Variants in ARB2A observed in about 807,000 individuals in gnomAD.
The protein encoded by ARB2A is ARB2 cotranscriptional regulator A.
chr5:93,634,038 C>T, the ARB2A span, among the ~76,000 whole-genome samples: 2 of 152,144 alleles, frequency 1.3e-5, no homozygotes, highest in African/African-American at 4.8e-5. Context: ...GCTGGGATTA[C>T]AGTCGTGAAC....
At chr5:93,824,366 T>C in the ARB2A span, 100 of 731,996 alleles carry the variant, frequency 1.4e-4, no homozygotes, top group Non-Finnish European at 2.7e-5. Context: ...GCATATGAAA[T>C]ACAATGGTTA....
chr5:93,883,918 TACACATAC>T, the ARB2A span, among the ~76,000 whole-genome samples: 123 of 68,388 alleles, frequency 1.8e-3, no homozygotes, highest in African/African-American at 5.3e-3. Flanking sequence ...CACATACACA[TACACATAC>T]ACACACACAC....
chr5:93,855,101 T>G, the ARB2A span, among the ~76,000 whole-genome samples: 1 of 152,140 alleles, frequency 6.6e-6, no homozygotes, highest in African/African-American at 2.4e-5. Context: ...CTAAGTCTCT[T>G]TGTAGGTCTC....
chr5:93,622,857 T>TTA, the ARB2A span, among the ~76,000 whole-genome samples: 3,414 of 152,204 alleles, frequency 0.022, 138 homozygotes, highest in African/African-American at 0.078. Context: ...TGGGGGAAAA[T>TTA]TATATATATA....
the ARB2A span, among the ~76,000 whole-genome samples, chr5:94,048,215 T>C: frequency 6.6e-6 from 1 of 151,964 alleles, no homozygotes; most frequent in Admixed American, 6.6e-5. Context: ...ACACCACACC[T>C]GGCTAATTTT....
the ARB2A span, among the ~76,000 whole-genome samples, chr5:93,932,675 A>G: frequency 2.6e-5 from 4 of 152,180 alleles, no homozygotes; most frequent in Non-Finnish European, 5.9e-5. Context: ...ACTGTTTTTC[A>G]TGGAAGATAA....
the ARB2A span, among the ~76,000 whole-genome samples, chr5:93,697,390 TTTC>T: frequency 1.3e-5 from 2 of 152,218 alleles, no homozygotes; most frequent in African/African-American, 2.4e-5. Flanking sequence ...TTAAACATTC[TTTC>T]TTATTAACTC....
the ARB2A span, among the ~76,000 whole-genome samples, chr5:94,087,586 T>C: frequency 1.3e-5 from 2 of 152,326 alleles, no homozygotes; most frequent in East Asian, 3.9e-4. Flanking sequence ...GTAGCCTAAG[T>C]GTACAGTGTT....
the ARB2A span, among the ~76,000 whole-genome samples, chr5:93,636,670 G>A: frequency 6.6e-6 from 1 of 152,282 alleles, no homozygotes. Context: ...ACAGCAGCCT[G>A]AATATACAGC....
the ARB2A span, among the ~76,000 whole-genome samples, chr5:94,001,049 T>C: frequency 1.3e-5 from 2 of 152,156 alleles, no homozygotes; most frequent in African/African-American, 4.8e-5. Flanking sequence ...TTCATTACTG[T>C]ATATTTATAG....
At chr5:93,928,686 T>C in the ARB2A span, among the ~76,000 whole-genome samples, 2 of 152,152 alleles carry the variant, frequency 1.3e-5, no homozygotes, top group Non-Finnish European at 2.9e-5. Context: ...AGTTAGGTAA[T>C]CTAGTTAAAA....
chr5:94,036,397 G>GTATT, the ARB2A span, among the ~76,000 whole-genome samples: 1 of 151,926 alleles, frequency 6.6e-6, no homozygotes, highest in Non-Finnish European at 1.5e-5. Context: ...ACAAATATAT[G>GTATT]TATTTATTTC....
At chr5:93,981,225 G>C in the ARB2A span, among the ~76,000 whole-genome samples, 2 of 151,624 alleles carry the variant, frequency 1.3e-5, no homozygotes, top group African/African-American at 4.8e-5. Context: ...GCACCACCAC[G>C]CCTGGCTAAT....
At chr5:93,899,561 G>A in the ARB2A span, among the ~76,000 whole-genome samples, 36 of 152,202 alleles carry the variant, frequency 2.4e-4, no homozygotes, top group Admixed American at 7.2e-4. Context: ...TTTGAAAACA[G>A]TGGCAAAAAG....
the ARB2A span, among the ~76,000 whole-genome samples, chr5:93,712,566 A>C: frequency 1.3e-5 from 2 of 152,200 alleles, no homozygotes; most frequent in Non-Finnish European, 2.9e-5. Context: ...AGATTCTATT[A>C]AAAAAATCTA....
the ARB2A span, among the ~76,000 whole-genome samples, chr5:93,902,690 C>T: frequency 1.3e-5 from 2 of 152,074 alleles, no homozygotes; most frequent in African/African-American, 2.4e-5. Flanking sequence ...GATGTCATTT[C>T]GTGAAAAGAT....
At chr5:93,979,429 T>C in the ARB2A span, among the ~76,000 whole-genome samples, 1 of 152,144 alleles carries the variant, frequency 6.6e-6, no homozygotes, top group Non-Finnish European at 1.5e-5. Context: ...GAAACCTATA[T>C]ATTGAATTTA....
the ARB2A span, among the ~76,000 whole-genome samples, chr5:93,771,390 C>T: frequency 6.6e-6 from 1 of 151,374 alleles, no homozygotes; most frequent in Non-Finnish European, 1.5e-5. Context: ...AGGACATAGG[C>T]ATGGGCAAGG....
At chr5:93,903,129 G>A in the ARB2A span, among the ~76,000 whole-genome samples, 18 of 152,176 alleles carry the variant, frequency 1.2e-4, no homozygotes, top group East Asian at 3.3e-3. Flanking sequence ...ACATAGAGAG[G>A]TGTTCCCACA....
Sources: allele counts gnomAD v4.1 joint callset (sites outside exome capture counted in the v4.1 genomes callset), GRCh38; gene constraint gnomAD v4.1.1; transcripts MANE v1.5; gene names NCBI Gene and HGNC (gene_info 2026-07-23, HGNC 2026-07-21).